The following TMEM170B variants were observed in gnomAD, a reference collection of about 807,000 sequenced individuals.
TMEM170B encodes transmembrane protein 170B.
A neutral mutation model predicts 13.0 loss-of-function variants in TMEM170B; 6 were observed. The observed-to-expected ratio is 0.46, with a 90% CI of 0.25 to 0.91. TMEM170B has a LOEUF of 0.91. Ranked by LOEUF, TMEM170B falls within the 40% of genes least tolerant of loss-of-function variation. The pLI, the probability that TMEM170B is intolerant of heterozygous loss-of-function variation, is 0.17. For synonymous variants in TMEM170B, 61 were observed against 64.9 expected, an observed-to-expected ratio of 0.94 and a Z score of 0.29; for missense variants, 138 against 165.2, an observed-to-expected ratio of 0.84 and a Z score of 0.90.
chr6:11,538,868 G>A (rs1759321392), intron 1 of TMEM170B, among the ~76,000 whole-genome samples: 1 of 152,142 alleles, frequency 6.6e-6, no homozygotes, highest in South Asian at 2.1e-4. Flanking sequence ...AATTTTTTGG[G>A]CGATGTAGAT....
At position 11,549,179 on chromosome 6, in the gene TMEM170B, T is replaced by C. The variant is rs559064030; in HGVS notation, c.97+10805T>C. On this transcript the variant is annotated intron_variant, in intron 1 of 2. Transcript: ENST00000379426. ...ATAAGTCTACTGATGGCTATATTTA[T>C]TGAAACCTCACTGTGTATCAGACCC... Among the ~76,000 whole-genome samples the C allele has an allele frequency of 6.6e-5, 10 of 152,316 alleles. No homozygotes were observed. In the South Asian group the frequency reaches 2.1e-3, roughly 32 times the overall value.
chr6:11,566,503 G>T (rs2113778514), intron 2 of TMEM170B, among the ~76,000 whole-genome samples: 1 of 152,306 alleles, frequency 6.6e-6, no homozygotes, highest in East Asian at 1.9e-4. Flanking sequence ...GTTACCAGCA[G>T]CAAATCCATA....
chr6:11,568,850 A>G (rs1332475593), intron 2 of TMEM170B, among the ~76,000 whole-genome samples: 2 of 152,198 alleles, frequency 1.3e-5, no homozygotes, highest in Non-Finnish European at 2.9e-5. Flanking sequence ...CTGACTGAAT[A>G]TAGTTACATA....
intron 2 of TMEM170B, among the ~76,000 whole-genome samples, chr6:11,566,514 C>T (rs552596503): frequency 2.0e-5 from 3 of 152,332 alleles, no homozygotes; most frequent in African/African-American, 7.2e-5. Flanking sequence ...CAAATCCATA[C>T]AGGTCTGCAG....
chr6:11,546,255 A>T (rs1353912748), intron 1 of TMEM170B, among the ~76,000 whole-genome samples: 2 of 144,874 alleles, frequency 1.4e-5, no homozygotes, highest in Non-Finnish European at 3.0e-5. Context: ...ATTTTTTTTT[A>T]ATTTTAGAAG....
intron 1 of TMEM170B, among the ~76,000 whole-genome samples, chr6:11,559,464 G>T (rs538609890): frequency 6.6e-6 from 1 of 152,162 alleles, no homozygotes; most frequent in East Asian, 1.9e-4. Flanking sequence ...GGGATTACAG[G>T]CATGAGCTAC....
intron 2 of TMEM170B, among the ~76,000 whole-genome samples, chr6:11,566,255 T>C (rs1003352046): frequency 6.6e-6 from 1 of 152,206 alleles, no homozygotes; most frequent in Non-Finnish European, 1.5e-5. Context: ...GACTACAAAA[T>C]AAAATTGCAC....
chr6:11,554,924 G>A (rs900163378), intron 1 of TMEM170B, among the ~76,000 whole-genome samples: 5 of 152,028 alleles, frequency 3.3e-5, no homozygotes, highest in African/African-American at 7.2e-5. Context: ...AAATGTTAGC[G>A]TGATTAAAAA....
rs1029283407 is a variant in TMEM170B, at chr6:11,580,815, A to G, written c.*5254A>G. The G allele has an allele frequency of 1.3e-5, 2 of 152,218 alleles. No homozygotes were observed. Among genetic ancestry groups the G allele is most frequent in the African/African-American group, 4.8e-5 (2 of 41,464 alleles). The allele number at this position is 152,218 out of a possible 1,614,324, so 9.4% of individuals were successfully genotyped here. ...CTGTGTTTTGTTAGGACTAGAAACT[A>G]TACTGGATGAGTATGTATACTGCAT... is the stretch of plus-strand genomic sequence containing the variant. On this transcript the variant is annotated 3_prime_UTR_variant, in exon 3 of 3. Transcript: ENST00000379426.
intron 1 of TMEM170B, among the ~76,000 whole-genome samples, chr6:11,557,149 G>A (rs1384748095): frequency 4.6e-5 from 7 of 152,164 alleles, no homozygotes; most frequent in Non-Finnish European, 1.5e-5. Context: ...GCCTGCTCTT[G>A]TGCTTTACCA....
intron 1 of TMEM170B, among the ~76,000 whole-genome samples, chr6:11,545,096 T>G (rs925195684): frequency 1.2e-4 from 18 of 151,986 alleles, no homozygotes; most frequent in African/African-American, 4.4e-4. Context: ...AATGCAAAAC[T>G]TGGCTGGTGT....
At chr6:11,559,236 CA>C (rs1401410307) in intron 1 of TMEM170B, among the ~76,000 whole-genome samples, 8 of 150,910 alleles carry the variant, frequency 5.3e-5, no homozygotes, top group Non-Finnish European at 1.0e-4. Context: ...CTCTGTCACC[CA>C]GGCTGGGGTG....
chr6:11,566,470 T>C (rs1217016842), intron 2 of TMEM170B, among the ~76,000 whole-genome samples: 1 of 152,212 alleles, frequency 6.6e-6, no homozygotes, highest in Non-Finnish European at 1.5e-5. Flanking sequence ...TTTATGGTTT[T>C]GTTATCAGCA....
intron 2 of TMEM170B, among the ~76,000 whole-genome samples, chr6:11,567,302 G>A (rs1391430630): frequency 6.6e-6 from 1 of 152,230 alleles, no homozygotes; most frequent in East Asian, 1.9e-4. Context: ...CAGAGTACAT[G>A]TGTCTGTTGC....
At chr6:11,551,095 C>G (rs1295943340) in intron 1 of TMEM170B, among the ~76,000 whole-genome samples, 1 of 152,156 alleles carries the variant, frequency 6.6e-6, no homozygotes. Context: ...CTACTGCATT[C>G]TCTGCAGACT....
Position 11,581,946 on chromosome 6 carries a change from T to C in TMEM170B, c.*6385T>C, listed in dbSNP as rs1381449616. The C allele has an allele frequency of 6.6e-6, 1 of 152,228 alleles. No individual in the cohort carries two copies. The highest frequency in any genetic ancestry group is 2.4e-5 in the African/African-American group (1 of 41,456). The allele number at this position is 152,228 out of a possible 1,614,324, so 9.4% of individuals were successfully genotyped here. On this transcript the variant is annotated 3_prime_UTR_variant, in exon 3 of 3. Coordinates refer to ENST00000379426, the MANE Select transcript of TMEM170B (RefSeq NM_001100829.3). ...GTTGACACTTTCTTAATGTTTTTGA[T>C]GTTGGATGCATTTACAATGGAAGAA...
chr6:11,556,881 A>G (rs1759597403), intron 1 of TMEM170B, among the ~76,000 whole-genome samples: 1 of 151,976 alleles, frequency 6.6e-6, no homozygotes. Context: ...AAGAAACAAG[A>G]TTTCTGTGTT....
In TMEM170B at chr6:11,575,154, T is replaced by C. The variant is rs1224576465; in HGVS notation, c.269-277T>C. 1.3e-5 allele frequency among the ~76,000 whole-genome samples: 2 copies of C among 152,140 alleles called. No homozygotes were observed. The highest frequency in any genetic ancestry group is 2.9e-5 in the Non-Finnish European group (2 of 68,026). ...TTGCAATAATGAATTATTCATTGTTTATGAACATATTTGCTATCAAGTATG... is the reference window on the plus strand; with the variant it reads ...TTGCAATAATGAATTATTCATTGTTCATGAACATATTTGCTATCAAGTATG... On this transcript the variant is annotated intron_variant, in intron 2 of 2. Coordinates refer to ENST00000379426, the MANE Select transcript of TMEM170B (RefSeq NM_001100829.3). This position sits in a 1 kb window ranked among gnomAD's most constrained non-coding sequence, Gnocchi z 4.1.
rs79402205 is a variant in TMEM170B, at chr6:11,551,645, A to G, written c.97+13271A>G. Among the ~76,000 whole-genome samples, 119 of 152,346 alleles carry G rather than the reference A, an allele frequency of 7.8e-4. 1 individual carries two copies. In the East Asian group the frequency reaches 0.021, roughly 27 times the overall value. ...GTGCCAGTCTCTGTGGTAAACACTG[A>G]TGAACAAAAGTGAAAATGTCAGTCA... On this transcript the variant is annotated intron_variant, in intron 1 of 2. Coordinates refer to ENST00000379426, the MANE Select transcript of TMEM170B (RefSeq NM_001100829.3).
Sources: allele counts gnomAD v4.1 joint callset (sites outside exome capture counted in the v4.1 genomes callset), GRCh38; gene constraint gnomAD v4.1.1; non-coding constraint Gnocchi (gnomAD v3.1); transcripts MANE v1.5; gene names NCBI Gene and HGNC (gene_info 2026-07-23, HGNC 2026-07-21).